PPP4R2: variants seen among roughly 807,000 people sequenced by gnomAD.
The protein encoded by PPP4R2 is serine/threonine-protein phosphatase 4 regulatory subunit 2.
In PPP4R2, 13 loss-of-function variants were observed where a neutral mutation model predicts 47.2. That is an observed-to-expected ratio of 0.28 (90% CI 0.18 to 0.44). The LOEUF (loss-of-function observed/expected upper bound fraction) is 0.44, where lower values mean the gene tolerates loss of function less well. Among genes scored for constraint, PPP4R2 ranks in the 20% least tolerant of loss-of-function variants. PPP4R2 has a pLI of 1.00. For synonymous variants in PPP4R2, 151 were observed against 163.3 expected (o/e 0.92, Z 0.57); for missense variants, 421 against 491.2 (o/e 0.86, Z 1.35).
chr3:73,025,377 C>T (rs189235637), intron 2 of PPP4R2, among the ~76,000 whole-genome samples: 3 of 152,152 alleles, frequency 2.0e-5, no homozygotes, highest in Admixed American at 2.0e-4. Flanking sequence ...TATTGTGAGA[C>T]GTTTATTGTT....
chr3:73,062,916 A>C, intron 5 of PPP4R2: 1 of 1,599,420 alleles, frequency 6.3e-7, no homozygotes, highest in Non-Finnish European at 8.6e-7. Flanking sequence ...AAGAAAGCAC[A>C]GATGACAACC....
chr3:73,019,614 TCTG>T (rs1169062366), intron 2 of PPP4R2, among the ~76,000 whole-genome samples: 4 of 152,230 alleles, frequency 2.6e-5, no homozygotes, highest in African/African-American at 7.2e-5. Context: ...CCTCAGATGA[TCTG>T]CTCCCTTTGG....
chr3:73,007,940 A>G (rs1701646507), intron 2 of PPP4R2, among the ~76,000 whole-genome samples: 1 of 151,860 alleles, frequency 6.6e-6, no homozygotes, highest in Non-Finnish European at 1.5e-5. Context: ...TACTTCTTTA[A>G]TGCTTTTTTT....
chr3:73,038,910 G>A (rs1702319365), intron 2 of PPP4R2, among the ~76,000 whole-genome samples: 2 of 152,066 alleles, frequency 1.3e-5, no homozygotes, highest in South Asian at 4.1e-4. Flanking sequence ...TCCTTTATGT[G>A]TACAACCATT....
rs1702955437 is a variant in PPP4R2 at position 73,064,954 on chromosome 3, A to G, written c.741A>G (p.Arg247=). ...AAGCTGAGGGGCATGAGGTAAAAAG[A>G]CTCAGGTTTGACAAAGAAGGTGAAG... ...AVEAEGHEVK[R]LRFDKEGEVR... Residue 247 remains arginine, a synonymous_variant, in exon 8 of 9, where the codon AGA becomes AGG. Coordinates refer to ENST00000356692, the MANE Select transcript of PPP4R2 (RefSeq NM_174907.4). The G allele has an allele frequency of 6.2e-7, 1 of 1,613,774 alleles. No individual in the cohort carries two copies.
chr3:73,063,219 T>A, intron 5 of PPP4R2: 1 of 361,366 alleles, frequency 2.8e-6, no homozygotes, highest in Non-Finnish European at 5.3e-6. Flanking sequence ...TCACACTCCC[T>A]TTGCTTCAAA....
rs79043231 is a variant in PPP4R2 at position 73,068,158 on chromosome 3, A to T, written c.*2436A>T. Reference sequence around the variant, plus strand: ...TTTGCTTAATGAAAATGTCAGTTCTAATAGTAACTGATTCACTTCTGAACA... The same window carrying T: ...TTTGCTTAATGAAAATGTCAGTTCTTATAGTAACTGATTCACTTCTGAACA... On this transcript the variant is annotated 3_prime_UTR_variant, in exon 9 of 9. Transcript: ENST00000356692. 2.8e-4 allele frequency: 42 copies of T among 152,282 alleles called. No homozygotes were observed. The East Asian group carries it at 7.9e-3, about 29-fold the overall frequency. The allele number at this position is 152,282 out of a possible 1,614,324, so 9.4% of individuals were successfully genotyped here. A position where few individuals can be genotyped will look rare whatever the true frequency, so the allele number is the denominator to read the frequency against.
At chr3:73,061,440 C>T (rs1702856627) in intron 5 of PPP4R2, 1 of 155,734 alleles carries the variant, frequency 6.4e-6, no homozygotes, top group South Asian at 2.0e-4. Flanking sequence ...AAAATATTTC[C>T]AGTTGTCAAG....
rs1487868727 is a variant in PPP4R2, at chr3:73,048,021, C to T, written c.287+665C>T. Among the ~76,000 whole-genome samples the T allele has an allele frequency of 2.6e-5, 4 of 152,172 alleles. No homozygotes were observed. In the South Asian group the frequency reaches 8.3e-4, roughly 32 times the overall value. On this transcript the variant is annotated intron_variant, in intron 3 of 8. Transcript: ENST00000356692. ...CTTCGCGAGTAACTGAGACTGTAGGCGCATGCCACCACACCCGGCTAATTT... is the reference window on the plus strand; with the variant it reads ...CTTCGCGAGTAACTGAGACTGTAGGTGCATGCCACCACACCCGGCTAATTT...
At chr3:73,004,917 G>GTT (rs1306769803) in intron 2 of PPP4R2, among the ~76,000 whole-genome samples, 6 of 86,674 alleles carry the variant, frequency 6.9e-5, no homozygotes, top group African/African-American at 2.6e-4. Flanking sequence ...AGTCATGTGT[G>GTT]TGTGTTTGTG....
intron 2 of PPP4R2, among the ~76,000 whole-genome samples, chr3:73,023,445 C>T (rs776078515): frequency 6.6e-6 from 1 of 152,130 alleles, no homozygotes; most frequent in Non-Finnish European, 1.5e-5. Context: ...CTTGGCCTCA[C>T]AAAGTGCTGG....
intron 3 of PPP4R2, among the ~76,000 whole-genome samples, chr3:73,056,069 C>T (rs1005085336): frequency 2.0e-5 from 3 of 152,146 alleles, no homozygotes; most frequent in African/African-American, 7.2e-5. Context: ...TGGGAAAAGC[C>T]TTAATATTTT....
At chr3:73,025,349 C>T (rs567839452) in intron 2 of PPP4R2, among the ~76,000 whole-genome samples, 1 of 152,280 alleles carries the variant, frequency 6.6e-6, no homozygotes, top group African/African-American at 2.4e-5. Context: ...ATAAATTTAG[C>T]ACTGACCCTT....
At chr3:73,019,732 T>G (rs1469278589) in intron 2 of PPP4R2, among the ~76,000 whole-genome samples, 1 of 152,080 alleles carries the variant, frequency 6.6e-6, no homozygotes, top group Non-Finnish European at 1.5e-5. Flanking sequence ...GGGATTGGAG[T>G]CATGAGTGTG....
rs1375253063 is a variant in PPP4R2 at position 73,065,030 on chromosome 3, G to A, written c.817G>A (p.Val273Ile). The A allele has an allele frequency of 3.1e-6, 5 of 1,613,822 alleles. No individual in the cohort carries two copies. Among genetic ancestry groups the A allele is most frequent in the Admixed American group, 3.3e-5 (2 of 59,986 alleles). ...TTSSEISSVM[V>I]GETEASSSSQ... Reference sequence around the variant, plus strand: ...TTCCAGCGAAATTTCTTCAGTTATGGTAGGAGAAACAGAAGCATCATCTTC... The same window carrying A: ...TTCCAGCGAAATTTCTTCAGTTATGATAGGAGAAACAGAAGCATCATCTTC... The change falls in exon 8 of 9, where the codon GTA (valine) becomes ATA (isoleucine). Residue 273 changes from valine to isoleucine, a missense_variant. Val to Ile is a conservative substitution (Grantham distance 29). Around this residue, in one of 2 missense-constraint regions of PPP4R2, gnomAD observed 317 missense variants for 287.5 expected, o/e 1.10. Transcript: ENST00000356692.
At chr3:73,006,451 A>C (rs1459132704) in intron 2 of PPP4R2, among the ~76,000 whole-genome samples, 1 of 151,906 alleles carries the variant, frequency 6.6e-6, no homozygotes, top group East Asian at 1.9e-4. Context: ...CGGCCTCCCA[A>C]AGTGCTGGGA....
At chr3:73,019,802 C>T (rs1048454104) in intron 2 of PPP4R2, among the ~76,000 whole-genome samples, 1 of 152,186 alleles carries the variant, frequency 6.6e-6, no homozygotes, top group Non-Finnish European at 1.5e-5. Flanking sequence ...CTCCCAATTT[C>T]CATATGTCCA....
At chr3:73,024,700 A>G (rs1203787474) in intron 2 of PPP4R2, among the ~76,000 whole-genome samples, 1 of 150,498 alleles carries the variant, frequency 6.6e-6, no homozygotes, top group Non-Finnish European at 1.5e-5. Flanking sequence ...TTTTTTCTTC[A>G]CAGCTCAGAT....
chr3:73,032,088 T>C (rs1489133492), intron 2 of PPP4R2, among the ~76,000 whole-genome samples: 1 of 152,196 alleles, frequency 6.6e-6, no homozygotes, highest in Non-Finnish European at 1.5e-5. Flanking sequence ...TGACTCTTTT[T>C]AAATTGATTT....
Sources: allele counts gnomAD v4.1 joint callset (sites outside exome capture counted in the v4.1 genomes callset), GRCh38; gene constraint gnomAD v4.1.1; regional missense constraint gnomAD v4.1.1; transcripts MANE v1.5; gene names NCBI Gene and HGNC (gene_info 2026-07-23, HGNC 2026-07-21).